Variants in RBFOX1 observed in about 807,000 individuals in gnomAD.
RBFOX1 encodes RNA binding protein fox-1 homolog 1.
A neutral mutation model predicts 57.7 loss-of-function variants in RBFOX1; 8 were observed. That is an observed-to-expected ratio of 0.14 (90% confidence interval 0.08 to 0.25). The LOEUF (loss-of-function observed/expected upper bound fraction) is 0.25, where lower values mean the gene tolerates loss of function less well. Among genes scored for constraint, RBFOX1 ranks in the 10% least tolerant of loss-of-function variants. RBFOX1 has a pLI of 1.00. For missense variants in RBFOX1, 611 were observed against 548.5 expected, an observed-to-expected ratio of 1.11 and a Z score of -1.14; for synonymous variants, 326 against 222.4, an observed-to-expected ratio of 1.47 and a Z score of -4.15.
At chr16:6,525,635 G>C (rs764448989) in intron 2 of RBFOX1, among the ~76,000 whole-genome samples, 1 of 152,058 alleles carries the variant, frequency 6.6e-6, no homozygotes, top group Non-Finnish European at 1.5e-5. Flanking sequence ...AGCAGGTCTG[G>C]TGTCTGGAGA....
At chr16:6,648,863 A>G (rs1441416161) in intron 2 of RBFOX1, among the ~76,000 whole-genome samples, 1 of 152,202 alleles carries the variant, frequency 6.6e-6, no homozygotes, top group Non-Finnish European at 1.5e-5. Context: ...ATATATATTT[A>G]TCATGTACAA....
rs192005745 is a variant in RBFOX1 at position 5,756,758 on chromosome 16, A to G, written c.319-110545A>G. ...GAGCCAAAGAGACCCCATGAAATCAATGGAGATGTTACTTGCCAGGGATCT... is the reference window on the plus strand; with the variant it reads ...GAGCCAAAGAGACCCCATGAAATCAGTGGAGATGTTACTTGCCAGGGATCT... On this transcript the variant is annotated intron_variant, in intron 3 of 19. Transcript: ENST00000641259. Among the ~76,000 whole-genome samples the G allele has an allele frequency of 1.6e-3, 249 of 152,280 alleles. 1 individual carries two copies. The highest frequency in any genetic ancestry group is 0.014 in the Middle Eastern group (4 of 294).
At chr16:6,893,604 T>G (rs1471514398) in intron 3 of RBFOX1, among the ~76,000 whole-genome samples, 1 of 152,160 alleles carries the variant, frequency 6.6e-6, no homozygotes, top group East Asian at 1.9e-4. Context: ...TCTCCAGTTT[T>G]TATATAAGGA....
At chr16:7,596,195 G>A (rs563447961) in intron 8 of RBFOX1, among the ~76,000 whole-genome samples, 251 of 144,656 alleles carry the variant, frequency 1.7e-3, no homozygotes, top group Non-Finnish European at 3.1e-3. Context: ...TAAGAAGCCA[G>A]TTTGAATTTC....
chr16:7,352,154 G>A (rs1435142374), intron 4 of RBFOX1, among the ~76,000 whole-genome samples: 2 of 152,146 alleles, frequency 1.3e-5, no homozygotes, highest in Non-Finnish European at 2.9e-5. Flanking sequence ...AAGGATCTCT[G>A]CTCCAGATAC....
At chr16:5,815,450 C>T (rs796567718) in intron 3 of RBFOX1, among the ~76,000 whole-genome samples, 8 of 152,200 alleles carry the variant, frequency 5.3e-5, no homozygotes, top group African/African-American at 1.9e-4. Flanking sequence ...GATCAGAAAC[C>T]TCAGCCAGGG....
intron 3 of RBFOX1, among the ~76,000 whole-genome samples, chr16:6,710,842 T>C (rs1032514126): frequency 2.0e-5 from 3 of 152,048 alleles, no homozygotes; most frequent in Non-Finnish European, 4.4e-5. Flanking sequence ...AAAAACAAAT[T>C]TGGTGAGGAA....
Position 5,301,582 on chromosome 16 carries a change from G to A in RBFOX1, c.219+61477G>A, listed in dbSNP as rs574802303. On this transcript the variant is annotated intron_variant, in intron 1 of 2. Coordinates refer to the RBFOX1 transcript ENST00000585867. The stretch of plus-strand genomic sequence containing the variant: ...TGCAGTGAGCCAAGATTGCGCCACT[G>A]CACTCCAGCCTGGGTGACACAGCAA... 2.3e-5 allele frequency among the ~76,000 whole-genome samples: 3 copies of A among 131,526 alleles called. No individual in the cohort carries two copies. The South Asian group carries it at 7.7e-4, about 34-fold the overall frequency. The allele number at this position is 131,526 out of a possible 152,430, so 86.3% of individuals were successfully genotyped here.
intron 3 of RBFOX1, among the ~76,000 whole-genome samples, chr16:6,679,791 C>T (rs935731909): frequency 6.6e-6 from 1 of 151,026 alleles, no homozygotes; most frequent in Admixed American, 6.6e-5. Flanking sequence ...TTTTCAAGTT[C>T]AGTTTGTCCA....
At chr16:5,760,357 A>G (rs539156150) in intron 3 of RBFOX1, among the ~76,000 whole-genome samples, 7 of 148,424 alleles carry the variant, frequency 4.7e-5, no homozygotes, top group Admixed American at 1.3e-4. Flanking sequence ...GTACTCAGCA[A>G]TTTCACACAC....
intron 1 of RBFOX1, among the ~76,000 whole-genome samples, chr16:6,036,076 C>T (rs1567305642): frequency 6.6e-6 from 1 of 152,136 alleles, no homozygotes; most frequent in African/African-American, 2.4e-5. Flanking sequence ...AAATCAGTCC[C>T]CTCCCTTCAA....
intron 4 of RBFOX1, among the ~76,000 whole-genome samples, chr16:7,270,046 C>A (rs1379900125): frequency 1.3e-5 from 2 of 152,144 alleles, no homozygotes; most frequent in South Asian, 4.1e-4. Flanking sequence ...GCTCTTAACA[C>A]AATGTGAAAT....
At chr16:6,792,451 C>G (rs556730382) in intron 3 of RBFOX1, among the ~76,000 whole-genome samples, 19 of 152,088 alleles carry the variant, frequency 1.2e-4, no homozygotes, top group Non-Finnish European at 2.8e-4. Context: ...CCTGTTCATA[C>G]CTTCCAGAAA....
intron 3 of RBFOX1, among the ~76,000 whole-genome samples, chr16:6,999,306 C>G (rs1596490589): frequency 1.3e-5 from 2 of 150,152 alleles, no homozygotes; most frequent in African/African-American, 4.9e-5. Context: ...GTCCACCTGC[C>G]TCGGCCTCCA....
chr16:6,295,116 T>TG (rs1567872172), intron 1 of RBFOX1, among the ~76,000 whole-genome samples: 3 of 148,604 alleles, frequency 2.0e-5, no homozygotes, highest in Non-Finnish European at 4.5e-5. Flanking sequence ...TTTTTTTTTT[T>TG]TTTTTTTTTT....
chr16:6,235,482 G>A (rs2097498760), intron 1 of RBFOX1, among the ~76,000 whole-genome samples: 1 of 151,826 alleles, frequency 6.6e-6, no homozygotes, highest in African/African-American at 2.4e-5. Flanking sequence ...ATTTGCAATT[G>A]CAAAAATATA....
At chr16:6,819,530 C>G (rs58991000) in intron 3 of RBFOX1, among the ~76,000 whole-genome samples, 17 of 151,600 alleles carry the variant, frequency 1.1e-4, no homozygotes, top group Non-Finnish European at 2.4e-4. Flanking sequence ...ATGGAGAAAA[C>G]CCATCTCTAC....
At chr16:5,278,662 T>A (rs1314737952) in intron 1 of RBFOX1, among the ~76,000 whole-genome samples, 2 of 152,238 alleles carry the variant, frequency 1.3e-5, no homozygotes, top group African/African-American at 4.8e-5. Flanking sequence ...GTGTTAGCCA[T>A]GCAATCTTTG....
chr16:5,494,980 G>A (rs1331852037), intron 2 of RBFOX1, among the ~76,000 whole-genome samples: 3 of 152,248 alleles, frequency 2.0e-5, no homozygotes, highest in East Asian at 3.9e-4. Context: ...GAAAATCCCA[G>A]GCATCAGTTT....
Sources: gnomAD v4.1 joint callset for allele counts (sites outside exome capture counted in the v4.1 genomes callset) on GRCh38, gnomAD v4.1.1 for gene constraint, MANE v1.5 for transcripts, NCBI Gene and HGNC (gene_info 2026-07-23, HGNC 2026-07-21) for gene names.